The following LARP1B variants were observed in gnomAD, a reference collection of about 807,000 sequenced individuals.
LARP1B encodes la-related protein 1B.
Under a neutral mutation model 114.2 loss-of-function variants are expected in LARP1B, and 76 were observed. That is an observed-to-expected ratio of 0.67 (90% CI 0.55 to 0.81). LARP1B has a LOEUF of 0.81. Ranked by LOEUF, LARP1B falls within the 30% of genes least tolerant of loss-of-function variation. The pLI is 0.00. For synonymous variants in LARP1B, 345 were observed against 348.0 expected (o/e 0.99, Z 0.10); for missense variants, 1,014 against 1,075.8 (o/e 0.94, Z 0.80).
intron 17 of LARP1B, among the ~76,000 whole-genome samples, chr4:128,205,504 A>G (rs1479920431): frequency 6.6e-6 from 1 of 152,204 alleles, no homozygotes; most frequent in African/African-American, 2.4e-5. Context: ...TTCTCAAGAT[A>G]GTTATAGACA....
rs144425754 is a variant in LARP1B, at chr4:128,156,307, GC to G, written c.1525-5886del. ...GGACAGTATCCCATACCCAACTCCAGCAGCTGCTTCTCCATCCCTCTAATGA... is the reference window on the plus strand; with the variant it reads ...GGACAGTATCCCATACCCAACTCCAGAGCTGCTTCTCCATCCCTCTAATGA... On this transcript the variant is annotated intron_variant, in intron 11 of 19. Coordinates refer to ENST00000326639, the MANE Select transcript of LARP1B (RefSeq NM_018078.4). 8.0e-3 allele frequency: 5,675 copies of G among 712,348 alleles called. 40 individuals carry two copies. The highest frequency in any genetic ancestry group is 0.011 in the Middle Eastern group (28 of 2,538). 44.1% of individuals were successfully genotyped at this position (712,348 alleles called of 1,614,324 possible).
At chr4:128,123,494 C>T (rs1788639328) in intron 11 of LARP1B, 1 of 603,284 alleles carries the variant, frequency 1.7e-6, no homozygotes, top group Non-Finnish European at 2.1e-6. Context: ...CTTTGTTTTT[C>T]ACCATAGCAT....
At chr4:128,097,705 A>C (rs1778581267) in intron 7 of LARP1B, among the ~76,000 whole-genome samples, 2 of 152,184 alleles carry the variant, frequency 1.3e-5, no homozygotes, top group Non-Finnish European at 2.9e-5. Context: ...AAAATGAACT[A>C]CTTTTCTGTA....
chr4:128,133,878 G>A (rs1792369528), intron 11 of LARP1B, among the ~76,000 whole-genome samples: 1 of 151,970 alleles, frequency 6.6e-6, no homozygotes, highest in Admixed American at 6.6e-5. Context: ...TGTATTTTTA[G>A]TAGAAAGGGG....
chr4:128,085,353 C>CTTTT (rs35260726), intron 5 of LARP1B, among the ~76,000 whole-genome samples: 912 of 85,820 alleles, frequency 0.011, 34 homozygotes, highest in African/African-American at 0.039. Context: ...CCTTAGCTTC[C>CTTTT]TTTTTTTTTT....
intron 15 of LARP1B, among the ~76,000 whole-genome samples, chr4:128,198,869 G>A (rs1755079486): frequency 6.6e-6 from 1 of 152,156 alleles, no homozygotes; most frequent in Non-Finnish European, 1.5e-5. Flanking sequence ...TTTGAATTTA[G>A]GTCTATATTT....
At chr4:128,176,064 C>T (rs1012213948) in intron 12 of LARP1B, among the ~76,000 whole-genome samples, 2 of 148,062 alleles carry the variant, frequency 1.4e-5, no homozygotes, top group Non-Finnish European at 3.0e-5. Context: ...ATGTTTTTAT[C>T]TCTAGGATTG....
chr4:128,171,296 T>A lies in LARP1B; in HGVS notation c.1649-5576T>A, dbSNP rs186651143. On this transcript the variant is annotated intron_variant, in intron 12 of 19. Coordinates refer to ENST00000326639, the MANE Select transcript of LARP1B (RefSeq NM_018078.4). ...GGTGCACGCCACAAAGCCCAACTAA[T>A]TTTTTTATTTTTTGTGGAGACAGGG... is the stretch of plus-strand genomic sequence containing the variant. Among the ~76,000 whole-genome samples, 88 of 152,136 alleles carry A rather than the reference T, an allele frequency of 5.8e-4. 2 individuals carry two copies. In the East Asian group the frequency reaches 0.015, roughly 27 times the overall value.
intron 7 of LARP1B, among the ~76,000 whole-genome samples, 188 bp from the exon 8 acceptor site, chr4:128,097,998 A>G (rs1778689927): frequency 6.6e-6 from 1 of 152,226 alleles, no homozygotes; most frequent in Non-Finnish European, 1.5e-5. Flanking sequence ...AAGAGAAATT[A>G]TTAATTCAGT....
rs767661764 is a variant in LARP1B, at chr4:128,166,450, AT to A, written c.1648+4139del. Among the ~76,000 whole-genome samples, 18 of 151,898 alleles carry A rather than the reference AT, an allele frequency of 1.2e-4. No individual in the cohort carries two copies. The South Asian group carries it at 1.2e-3, about 11-fold the overall frequency. ...GATCACCCTACAAATATCCAGTTAT[AT>A]TTTTTGTTTCCTCTTAAAAATATAT... is the stretch of plus-strand genomic sequence containing the variant. On this transcript the variant is annotated intron_variant, in intron 12 of 19. Transcript: ENST00000326639.
chr4:128,193,193 A>T (rs1482816280), intron 15 of LARP1B, among the ~76,000 whole-genome samples: 1 of 152,224 alleles, frequency 6.6e-6, no homozygotes, highest in Non-Finnish European at 1.5e-5. Flanking sequence ...GTGTACATGT[A>T]TATACACATA....
chr4:128,146,481 A>T (rs1730408791), intron 11 of LARP1B, among the ~76,000 whole-genome samples: 1 of 152,230 alleles, frequency 6.6e-6, no homozygotes, highest in South Asian at 2.1e-4. Context: ...TGTTAGCCAT[A>T]TAATATATGC....
intron 5 of LARP1B, among the ~76,000 whole-genome samples, chr4:128,089,100 T>G (rs1023832151): frequency 6.6e-6 from 1 of 152,146 alleles, no homozygotes; most frequent in South Asian, 2.1e-4. Context: ...GAGATATTTG[T>G]TACTGGTTGT....
At chr4:128,088,226 G>GT (rs1774457182) in intron 5 of LARP1B, among the ~76,000 whole-genome samples, 1 of 144,328 alleles carries the variant, frequency 6.9e-6, no homozygotes, top group Non-Finnish European at 1.5e-5. Context: ...ATGATGAACA[G>GT]TGGAAACTCA....
intron 15 of LARP1B, among the ~76,000 whole-genome samples, chr4:128,195,931 G>T (rs1386887843): frequency 6.6e-6 from 1 of 152,120 alleles, no homozygotes; most frequent in African/African-American, 2.4e-5. Flanking sequence ...TATTACTACT[G>T]GTTGACCTTA....
At chr4:128,156,833 C>T (rs542028597) in intron 11 of LARP1B, among the ~76,000 whole-genome samples, 3 of 125,116 alleles carry the variant, frequency 2.4e-5, no homozygotes, top group Non-Finnish European at 4.9e-5. Context: ...TTTATACAAA[C>T]CTACCAAAAT....
chr4:128,110,549 C>A (rs1399132943), intron 9 of LARP1B, among the ~76,000 whole-genome samples: 1 of 147,988 alleles, frequency 6.8e-6, no homozygotes, highest in Non-Finnish European at 1.5e-5. Context: ...TAGTGGCGGG[C>A]GCCTGTAGTC....
chr4:128,151,584 TTA>T (rs139768188), intron 11 of LARP1B, among the ~76,000 whole-genome samples: 4,068 of 152,146 alleles, frequency 0.027, 79 homozygotes, highest in Middle Eastern at 0.058. Context: ...CCCGATATCT[TTA>T]TATGATTAGC....
chr4:128,074,523 G>A lies in LARP1B; in HGVS notation c.-19+5G>A. ...AAGACAAAGAAATCCAACAAGGTAT[G>A]TCTTCATAGGAAATAGTTCTTAACT... is the stretch of plus-strand genomic sequence containing the variant. On this transcript the variant is annotated splice_donor_5th_base_variant and intron_variant, in intron 2 of 19. Coordinates refer to ENST00000326639, the MANE Select transcript of LARP1B (RefSeq NM_018078.4). 1.1e-6 allele frequency: 1 copy of A among 907,854 alleles called. No individual in the cohort carries two copies. The highest frequency in any genetic ancestry group is 1.3e-6 in the Non-Finnish European group (1 of 758,498). 56.2% of individuals were successfully genotyped at this position (907,854 alleles called of 1,614,324 possible).
Sources: allele counts gnomAD v4.1 joint callset (sites outside exome capture counted in the v4.1 genomes callset), GRCh38; gene constraint gnomAD v4.1.1; transcripts MANE v1.5; gene names NCBI Gene and HGNC (gene_info 2026-07-23, HGNC 2026-07-21).